Variants in LTBP1 observed in about 807,000 individuals in gnomAD.
The protein encoded by LTBP1 is latent transforming growth factor beta binding protein 1, also known as latent-transforming growth factor beta-binding protein 1.
Under a neutral mutation model 207.6 loss-of-function variants are expected in LTBP1, and 129 were observed. The observed-to-expected ratio is 0.62, with a 90% CI of 0.54 to 0.72. The LOEUF (loss-of-function observed/expected upper bound fraction) is 0.72. Among genes scored for constraint, LTBP1 ranks in the 30% least tolerant of loss-of-function variants. LTBP1 has a pLI of 0.00. For synonymous variants in LTBP1, 963 were observed against 833.7 expected (o/e 1.16, Z -2.67); for missense variants, 2,281 against 2,217.2 (o/e 1.03, Z -0.58).
chr2:33,382,447 G>A (rs1464402914), intron 31 of LTBP1, among the ~76,000 whole-genome samples: 1 of 152,010 alleles, frequency 6.6e-6, no homozygotes, highest in East Asian at 1.9e-4. Context: ...CTCTCTCTGA[G>A]TTACCTTCCT....
chr2:33,269,672 A>G (rs539609615), intron 15 of LTBP1, among the ~76,000 whole-genome samples: 2 of 152,320 alleles, frequency 1.3e-5, no homozygotes, highest in East Asian at 1.9e-4. Context: ...TCAAAGAATC[A>G]TATTCTTCTA....
chr2:33,111,464 G>A (rs1225799142), intron 4 of LTBP1, among the ~76,000 whole-genome samples: 1 of 152,224 alleles, frequency 6.6e-6, no homozygotes, highest in East Asian at 1.9e-4. Context: ...CCTGTCACAT[G>A]TTGACTGATT....
intron 12 of LTBP1, among the ~76,000 whole-genome samples, chr2:33,258,647 G>A (rs1308786568): frequency 6.6e-6 from 1 of 152,206 alleles, no homozygotes; most frequent in Admixed American, 6.5e-5. Context: ...CAGGCAGGAG[G>A]AAATGGGCCG....
chr2:33,179,115 T>TG (rs1400929862), intron 5 of LTBP1, among the ~76,000 whole-genome samples: 1 of 152,194 alleles, frequency 6.6e-6, no homozygotes, highest in Non-Finnish European at 1.5e-5. Flanking sequence ...CCCCAGCCCA[T>TG]GGGGTGCATG....
chr2:32,954,206 A>G (rs1360547601), intron 2 of LTBP1, among the ~76,000 whole-genome samples: 6 of 152,198 alleles, frequency 3.9e-5, no homozygotes, highest in Admixed American at 3.3e-4. Context: ...CTGTCCTGAC[A>G]GTCCTCAGTT....
At chr2:33,003,255 A>G (rs993578712) in intron 2 of LTBP1, among the ~76,000 whole-genome samples, 6 of 152,220 alleles carry the variant, frequency 3.9e-5, no homozygotes, top group Non-Finnish European at 5.9e-5. Context: ...TGTTGGTCCT[A>G]CTGAGTAGAT....
chr2:33,001,305 G>C (rs388601), intron 2 of LTBP1, among the ~76,000 whole-genome samples: 112,077 of 133,876 alleles, frequency 0.84, 52,241 homozygotes, highest in East Asian at 1. Flanking sequence ...TTTTCTGCAC[G>C]AGAATCATCT....
chr2:33,280,072 C>T lies in LTBP1; in HGVS notation c.3026C>T (p.Pro1009Leu). The stretch of plus-strand genomic sequence containing the variant: ...GAATGTTTGAATCCAAGCACTTGTC[C>T]AGATGAGCAGTGTGTGAATTCTCCT... ...IDECLNPSTC[P>L]DEQCVNSPGS... The change falls in exon 19 of 34, where the codon CCA becomes CTA. Residue 1009 changes from proline to leucine, a missense_variant. Pro to Leu is a moderately conservative substitution (Grantham distance 98). This residue lies in a region of LTBP1 where 1,671 missense variants were observed against 1,634.8 expected (regional missense o/e 1.02). Transcript: ENST00000404816. 3.1e-6 allele frequency: 5 copies of T among 1,614,040 alleles called. No homozygotes were observed. Among genetic ancestry groups the T allele is most frequent in the Non-Finnish European group, 4.2e-6 (5 of 1,179,972 alleles).
At chr2:33,291,206 G>A (rs555518216) in intron 19 of LTBP1, among the ~76,000 whole-genome samples, 4 of 152,178 alleles carry the variant, frequency 2.6e-5, no homozygotes, top group East Asian at 1.9e-4. Flanking sequence ...TTAATCATGA[G>A]TAGCCTAGAA....
intron 31 of LTBP1, among the ~76,000 whole-genome samples, chr2:33,381,146 A>G (rs1305142783): frequency 6.6e-6 from 1 of 152,140 alleles, no homozygotes; most frequent in Non-Finnish European, 1.5e-5. Flanking sequence ...CTGATTTCCT[A>G]TGAAATTGCT....
chr2:33,066,191 T>C (rs2077500233), intron 3 of LTBP1, among the ~76,000 whole-genome samples: 1 of 152,224 alleles, frequency 6.6e-6, no homozygotes, highest in Admixed American at 6.5e-5. Flanking sequence ...TGTAGTCTTA[T>C]CTGTTAATTT....
At chr2:33,107,771 C>T (rs1407680008) in intron 3 of LTBP1, among the ~76,000 whole-genome samples, 4 of 152,124 alleles carry the variant, frequency 2.6e-5, no homozygotes, top group African/African-American at 7.2e-5. Flanking sequence ...TATATGGGTG[C>T]CCCCGCCAAC....
intron 7 of LTBP1, among the ~76,000 whole-genome samples, chr2:33,213,417 G>C (rs903474317): frequency 6.6e-6 from 1 of 152,174 alleles, no homozygotes; most frequent in Non-Finnish European, 1.5e-5. Context: ...TAAAAATATA[G>C]TTAGCGTGAG....
At chr2:33,031,648 A>G (rs2075696376) in intron 3 of LTBP1, among the ~76,000 whole-genome samples, 1 of 152,228 alleles carries the variant, frequency 6.6e-6, no homozygotes, top group Non-Finnish European at 1.5e-5. Flanking sequence ...GACTTGGAAA[A>G]GTGAAGGAGA....
chr2:32,947,359 T>C lies in LTBP1; in HGVS notation c.35T>C (p.Leu12Pro). 1 of 1,304,194 alleles carries C rather than the reference T, an allele frequency of 7.7e-7. No individual in the cohort carries two copies. The highest frequency in any genetic ancestry group is 2.2e-5 in the South Asian group (1 of 46,208). The allele number at this position is 1,304,194 out of a possible 1,614,324, so 80.8% of individuals were successfully genotyped here. Reference sequence around the variant, plus strand: ...GCCTGGCTCAGGTGGGGGCTCCTGCTCTGGGCAGGGCTCCTCGCGTCCTCG... The same window carrying C: ...GCCTGGCTCAGGTGGGGGCTCCTGCCCTGGGCAGGGCTCCTCGCGTCCTCG... Reference protein sequence around the residue: ...AGAWLRWGLLLWAGLLASSAH... With the variant: ...AGAWLRWGLLPWAGLLASSAH... Residue 12 changes from leucine (L) to proline (P), a missense_variant, in exon 1 of 34, where the codon CTC becomes CCC. Leu to Pro is a moderately conservative substitution (Grantham distance 98). Transcript: ENST00000404816.
chr2:33,214,344 T>C (rs527821629), intron 7 of LTBP1, among the ~76,000 whole-genome samples: 1 of 152,170 alleles, frequency 6.6e-6, no homozygotes, highest in Admixed American at 6.5e-5. Flanking sequence ...GCTCAAGGAG[T>C]ATGGAAACTA....
At chr2:32,996,923 C>T (rs371137963) in intron 2 of LTBP1, among the ~76,000 whole-genome samples, 8 of 152,040 alleles carry the variant, frequency 5.3e-5, no homozygotes, top group Non-Finnish European at 1.0e-4. Context: ...CTCGCTCTGT[C>T]GCCCAGGCTG....
intron 24 of LTBP1, among the ~76,000 whole-genome samples, chr2:33,331,461 C>A (rs1428966331): frequency 6.6e-6 from 1 of 151,172 alleles, no homozygotes; most frequent in African/African-American, 2.4e-5. Context: ...CATTTTTTTC[C>A]TTTGACCAAT....
chr2:33,041,663 T>C (rs2076192388), intron 3 of LTBP1, among the ~76,000 whole-genome samples: 1 of 152,246 alleles, frequency 6.6e-6, no homozygotes, highest in Non-Finnish European at 1.5e-5. Context: ...TTATTTATTC[T>C]GCAAACTCTT....
Sources: gnomAD v4.1 joint callset for allele counts (sites outside exome capture counted in the v4.1 genomes callset) on GRCh38, gnomAD v4.1.1 for gene constraint, gnomAD v4.1.1 regional missense constraint, MANE v1.5 for transcripts, NCBI Gene and HGNC (gene_info 2026-07-23, HGNC 2026-07-21) for gene names.